The following ERBB4 variants were observed in gnomAD, a reference collection of about 807,000 sequenced individuals.
ERBB4 encodes the protein erb-b2 receptor tyrosine kinase 4.
A neutral mutation model predicts 158.0 loss-of-function variants in ERBB4; 42 were observed. The observed-to-expected ratio is 0.27, with a 90% CI of 0.21 to 0.34. ERBB4 has a LOEUF of 0.34. Among genes scored for constraint, ERBB4 ranks in the 10% least tolerant of loss-of-function variants. The probability of loss-of-function intolerance (pLI) is 1.00; values close to 1 mark genes in which losing one functional copy is unlikely to be tolerated. For synonymous variants in ERBB4, 583 were observed against 558.7 expected (o/e 1.04, Z -0.61); for missense variants, 1,333 against 1,624.1 (o/e 0.82, Z 3.08).
At chr2:212,425,825 T>C (rs145178153) in intron 1 of ERBB4, among the ~76,000 whole-genome samples, 239 of 152,070 alleles carry the variant, frequency 1.6e-3, no homozygotes, top group African/African-American at 5.2e-3. Context: ...CCATCATTCT[T>C]ACCCACATTT....
At chr2:211,705,084 G>A (rs1253798085) in intron 10 of ERBB4, among the ~76,000 whole-genome samples, 1 of 152,026 alleles carries the variant, frequency 6.6e-6, no homozygotes, top group African/African-American at 2.4e-5. Flanking sequence ...AGCCTCCTGA[G>A]CAGCTGGGAT....
chr2:212,325,591 C>T (rs1010010597), intron 1 of ERBB4, among the ~76,000 whole-genome samples: 12 of 150,560 alleles, frequency 8.0e-5, no homozygotes, highest in African/African-American at 2.7e-4. Flanking sequence ...TTGTTTAGTT[C>T]GAACTGTGGG....
intron 18 of ERBB4, among the ~76,000 whole-genome samples, chr2:211,620,831 T>C (rs1000569295): frequency 2.0e-5 from 3 of 152,124 alleles, no homozygotes; most frequent in African/African-American, 2.4e-5. Context: ...TAAAATAATA[T>C]AGGCCAGGCA....
chr2:211,565,074 A>T (rs1158779899), intron 19 of ERBB4, among the ~76,000 whole-genome samples: 1 of 152,220 alleles, frequency 6.6e-6, no homozygotes, highest in Non-Finnish European at 1.5e-5. Flanking sequence ...ATTGCTCAAT[A>T]GGTACAATGT....
At chr2:211,581,135 T>A in intron 19 of ERBB4, among the ~76,000 whole-genome samples, 1 of 149,304 alleles carries the variant, frequency 6.7e-6, no homozygotes, top group African/African-American at 2.5e-5. Flanking sequence ...GGGGAGGGGG[T>A]GAAGCATACA....
chr2:212,283,207 C>CA (rs1345828563), intron 1 of ERBB4, among the ~76,000 whole-genome samples: 2 of 151,818 alleles, frequency 1.3e-5, no homozygotes, highest in East Asian at 1.9e-4. Flanking sequence ...GTACAGGAGG[C>CA]AAAAAAGCAA....
Position 212,115,977 on chromosome 2 carries a change from T to G in ERBB4, c.234+8775A>C, listed in dbSNP as rs577672658. Among the ~76,000 whole-genome samples, 10 of 152,258 alleles carry G rather than the reference T, an allele frequency of 6.6e-5. No homozygotes were observed. The South Asian group carries it at 2.1e-3, about 32-fold the overall frequency. The stretch of plus-strand genomic sequence containing the variant: ...AAATATATTTGCAACAAAGGTATAT[T>G]TGTGGAAACTGCTTTGCAATTAGGG... On this transcript the variant is annotated intron_variant, in intron 2 of 27. Transcript: ENST00000342788.
rs201152419 is a variant in ERBB4 at position 211,947,544 on chromosome 2, G to A, written c.307C>T (p.Arg103Cys). ...TAAAGTTTTGTCCCACGAATAATGC[G>A]TAAATTCTCCAGAGGCAGGTAACGA... is the stretch of plus-strand genomic sequence containing the variant. ...QFRYLPLENL[R>C]IIRGTKLYED... Residue 103 changes from arginine to cysteine, a missense_variant, in exon 3 of 28, where the codon CGC (arginine) becomes TGC (cysteine). Physicochemically the swap from Arg to Cys is radical, Grantham distance 180. This residue lies in a region of ERBB4 where 438 missense variants were observed against 586.9 expected (regional missense o/e 0.75). Coordinates refer to ENST00000342788, the MANE Select transcript of ERBB4 (RefSeq NM_005235.3). The A allele has an allele frequency of 1.9e-5, 30 of 1,613,670 alleles. No homozygotes were observed. Among genetic ancestry groups the A allele is most frequent in the South Asian group, 8.8e-5 (8 of 91,058 alleles).
intron 1 of ERBB4, among the ~76,000 whole-genome samples, chr2:212,327,518 A>G (rs1013062208): frequency 1.4e-4 from 21 of 151,896 alleles, no homozygotes; most frequent in African/African-American, 4.3e-4. Flanking sequence ...GCAGCTCCAG[A>G]TCTACATGTT....
intron 1 of ERBB4, among the ~76,000 whole-genome samples, chr2:212,521,347 CAG>C (rs1692150395): frequency 6.6e-6 from 1 of 151,750 alleles, no homozygotes; most frequent in South Asian, 2.1e-4. Flanking sequence ...AACTGCCCTT[CAG>C]AGAGAGCCAA....
chr2:212,503,114 T>C (rs951225074), intron 1 of ERBB4, among the ~76,000 whole-genome samples: 1 of 152,170 alleles, frequency 6.6e-6, no homozygotes, highest in African/African-American at 2.4e-5. Context: ...CTGGTGCAAA[T>C]GGTCCTAGGG....
chr2:211,666,340 ATATGAG>A (rs764518854), intron 14 of ERBB4, among the ~76,000 whole-genome samples: 8 of 152,258 alleles, frequency 5.3e-5, no homozygotes, highest in African/African-American at 1.9e-4. Flanking sequence ...GATAATATAA[ATATGAG>A]TATAATAAAT....
intron 20 of ERBB4, among the ~76,000 whole-genome samples, chr2:211,551,910 G>T (rs1002385350): frequency 1.3e-5 from 2 of 152,152 alleles, no homozygotes; most frequent in African/African-American, 4.8e-5. Context: ...GTAAATGAAG[G>T]CTCTGCTCGT....
intron 5 of ERBB4, among the ~76,000 whole-genome samples, chr2:211,728,615 A>G (rs1381491580): frequency 1.3e-5 from 2 of 151,852 alleles, no homozygotes; most frequent in African/African-American, 4.8e-5. Context: ...AAAATAGCAG[A>G]CATATGTTAA....
chr2:212,095,953 A>AT (rs949783053), intron 2 of ERBB4, among the ~76,000 whole-genome samples: 7 of 151,146 alleles, frequency 4.6e-5, no homozygotes, highest in Admixed American at 4.0e-4. Context: ...AAAGAAAAAA[A>AT]AAAAAAGAAA....
intron 1 of ERBB4, among the ~76,000 whole-genome samples, chr2:212,455,561 TA>T (rs5838333): frequency 2.0e-5 from 3 of 150,140 alleles, no homozygotes; most frequent in Admixed American, 6.6e-5. Context: ...TCCTTCACCT[TA>T]AAAAAAAAAG....
intron 1 of ERBB4, among the ~76,000 whole-genome samples, chr2:212,278,826 C>T (rs1355409568): frequency 6.6e-6 from 1 of 151,580 alleles, no homozygotes; most frequent in Non-Finnish European, 1.5e-5. Context: ...CTAGCATAAT[C>T]GGTCACTTTA....
At chr2:212,237,459 C>G (rs561071729) in intron 1 of ERBB4, among the ~76,000 whole-genome samples, 2 of 152,204 alleles carry the variant, frequency 1.3e-5, no homozygotes, top group East Asian at 3.9e-4. Context: ...AAGCTTCATC[C>G]CAGAGGGCCA....
intron 9 of ERBB4, among the ~76,000 whole-genome samples, chr2:211,709,478 T>A (rs1338781194): frequency 6.6e-6 from 1 of 151,876 alleles, no homozygotes; most frequent in Non-Finnish European, 1.5e-5. Flanking sequence ...GGCAGGTCAC[T>A]TTTGGTGGTT....
Sources: gnomAD v4.1 joint callset for allele counts (sites outside exome capture counted in the v4.1 genomes callset) on GRCh38, gnomAD v4.1.1 for gene constraint, gnomAD v4.1.1 regional missense constraint, MANE v1.5 for transcripts, NCBI Gene and HGNC (gene_info 2026-07-23, HGNC 2026-07-21) for gene names.